Variants in SLC16A2 observed in about 807,000 individuals in gnomAD.
The protein encoded by SLC16A2 is monocarboxylate transporter 8.
SLC16A2 carries 3 observed loss-of-function variants against 27.2 expected under a neutral mutation model. The observed-to-expected ratio is 0.11, with a 90% confidence interval of 0.05 to 0.28. The LOEUF (loss-of-function observed/expected upper bound fraction) is 0.28, where lower values mean the gene tolerates loss of function less well. Among genes scored for constraint, SLC16A2 ranks in the 10% least tolerant of loss-of-function variants. The probability of loss-of-function intolerance (pLI) is 1.00; values close to 1 mark genes in which losing one functional copy is unlikely to be tolerated. For synonymous variants in SLC16A2, 202 were observed against 187.8 expected (o/e 1.08, Z -0.62); for missense variants, 295 against 458.5 (o/e 0.64, Z 3.26).
intron 2 of SLC16A2, among the ~76,000 whole-genome samples, chrX:74,524,062 C>T (rs1930451288): frequency 1.8e-5 from 2 of 111,714 alleles, no homozygotes; most frequent in Admixed American, 1.9e-4. Context: ...TTGAACAGTC[C>T]TCTTTGATGG....
At chrX:74,486,021 G>A (rs1003772383) in intron 1 of SLC16A2, among the ~76,000 whole-genome samples, 1 of 111,882 alleles carries the variant, frequency 8.9e-6, no homozygotes, top group East Asian at 2.8e-4. Flanking sequence ...ACCCAAAGGG[G>A]GTTGCCCACT....
chrX:74,522,620 C>T (rs746059251), intron 2 of SLC16A2, among the ~76,000 whole-genome samples: 2 of 111,893 alleles, frequency 1.8e-5, no homozygotes, highest in African/African-American at 3.2e-5. Flanking sequence ...AAAGTGTAAA[C>T]GGATTAGCAA....
intron 1 of SLC16A2, among the ~76,000 whole-genome samples, chrX:74,482,413 G>T (rs1251962703): frequency 2.7e-5 from 3 of 111,108 alleles, no homozygotes; most frequent in African/African-American, 9.8e-5. Context: ...TTCTCTTTGG[G>T]AATCCCATTG....
intron 1 of SLC16A2, among the ~76,000 whole-genome samples, chrX:74,508,019 G>A (rs1409179699): frequency 3.6e-5 from 4 of 111,870 alleles, no homozygotes; most frequent in Non-Finnish European, 7.5e-5. Flanking sequence ...CTAGCAGTGG[G>A]ATTGCTGGGT....
At chrX:74,435,254 T>C (rs1296196630) in intron 1 of SLC16A2, among the ~76,000 whole-genome samples, 3 of 110,008 alleles carry the variant, frequency 2.7e-5, no homozygotes, top group Non-Finnish European at 5.7e-5. Flanking sequence ...TTCTGGAAAA[T>C]GAAAAGTCAA....
intron 1 of SLC16A2, among the ~76,000 whole-genome samples, chrX:74,506,938 T>TTTATTTA (rs1491246542): frequency 6.4e-5 from 1 of 15,557 alleles, no homozygotes; most frequent in African/African-American, 1.1e-4. Context: ...TATTTATTTA[T>TTTATTTA]TTTTTTTTTT....
At chrX:74,494,149 A>C (rs1929890638) in intron 1 of SLC16A2, among the ~76,000 whole-genome samples, 1 of 112,314 alleles carries the variant, frequency 8.9e-6, no homozygotes, top group Admixed American at 9.4e-5. Flanking sequence ...TGGTGCTCAC[A>C]CTTTGGATAC....
chrX:74,467,410 C>A (rs188732160), intron 1 of SLC16A2, among the ~76,000 whole-genome samples: 1 of 111,041 alleles, frequency 9.0e-6, no homozygotes, highest in Admixed American at 9.6e-5. Context: ...TGTGAAAAGC[C>A]GGTCAAGACC....
chrX:74,446,380 T>C (rs1928837687), intron 1 of SLC16A2, among the ~76,000 whole-genome samples: 1 of 111,495 alleles, frequency 9.0e-6, no homozygotes, highest in Admixed American at 9.6e-5. Context: ...TGTGTAATCC[T>C]AGGACTTTGG....
intron 1 of SLC16A2, among the ~76,000 whole-genome samples, chrX:74,510,385 A>T (rs1472199438): frequency 9.2e-6 from 1 of 109,034 alleles, no homozygotes; most frequent in East Asian, 2.8e-4. Context: ...TGTTTTAGTA[A>T]AAAAAAAAAA....
chrX:74,507,804 CAA>C (rs1416527001), intron 1 of SLC16A2, among the ~76,000 whole-genome samples: 1 of 112,088 alleles, frequency 8.9e-6, no homozygotes, highest in Non-Finnish European at 1.9e-5. Context: ...CACAGAAAGT[CAA>C]ATACCAAATG....
intron 1 of SLC16A2, among the ~76,000 whole-genome samples, chrX:74,493,472 A>G (rs1183435970): frequency 8.9e-6 from 1 of 112,108 alleles, no homozygotes; most frequent in African/African-American, 3.2e-5. Context: ...GTCAGCACCC[A>G]TGAGACTGCC....
At chrX:74,428,964 T>C (rs2054115567) in intron 1 of SLC16A2, among the ~76,000 whole-genome samples, 1 of 111,431 alleles carries the variant, frequency 9.0e-6, no homozygotes. Flanking sequence ...TGTTTCTGGT[T>C]CATTCTATTT....
At chrX:74,499,836 G>A (rs1168898577) in intron 1 of SLC16A2, among the ~76,000 whole-genome samples, 1 of 111,443 alleles carries the variant, frequency 9.0e-6, no homozygotes, top group East Asian at 2.8e-4. Flanking sequence ...ATAGTAGAAA[G>A]GAGAACTTTA....
intron 1 of SLC16A2, among the ~76,000 whole-genome samples, chrX:74,519,776 C>A (rs1930379435): frequency 9.7e-6 from 1 of 102,975 alleles, no homozygotes; most frequent in Non-Finnish European, 2.0e-5. Flanking sequence ...ATGTTTGAGG[C>A]AGGCACAAGC....
At chrX:74,497,411 T>G (rs1262759729) in intron 1 of SLC16A2, among the ~76,000 whole-genome samples, 1 of 110,600 alleles carries the variant, frequency 9.0e-6, no homozygotes, top group African/African-American at 3.3e-5. Context: ...CCAGCACTTT[T>G]TGTCATCTCA....
At chrX:74,477,792 T>G (rs1602123041) in intron 1 of SLC16A2, among the ~76,000 whole-genome samples, 1 of 112,309 alleles carries the variant, frequency 8.9e-6, no homozygotes, top group African/African-American at 3.2e-5. Context: ...TGAGTGGTTT[T>G]GAGTGAGTTT....
chrX:74,507,428 T>C (rs781768476), intron 1 of SLC16A2, among the ~76,000 whole-genome samples: 1 of 111,952 alleles, frequency 8.9e-6, no homozygotes, highest in African/African-American at 3.2e-5. Flanking sequence ...TTGGTGGAAA[T>C]GTAAATTAGT....
intron 1 of SLC16A2, among the ~76,000 whole-genome samples, chrX:74,502,482 G>T (rs778033597): frequency 9.2e-4 from 103 of 112,261 alleles, no homozygotes; most frequent in Non-Finnish European, 1.7e-3. Context: ...CTACACTCAG[G>T]AGTTGGTGGA....
Sources: gnomAD v4.1 joint callset for allele counts (sites outside exome capture counted in the v4.1 genomes callset) on GRCh38, gnomAD v4.1.1 for gene constraint, MANE v1.5 for transcripts, NCBI Gene and HGNC (gene_info 2026-07-23, HGNC 2026-07-21) for gene names.